Variants in GRID1 observed in about 807,000 individuals in gnomAD.
The protein encoded by GRID1 is glutamate receptor ionotropic, delta-1.
A neutral mutation model predicts 98.0 loss-of-function variants in GRID1; 28 were observed. That is an observed-to-expected ratio of 0.29 (90% CI 0.21 to 0.39). GRID1 has a LOEUF of 0.39. GRID1 is among the 10% of genes least tolerant of loss of function. The pLI, the probability that GRID1 is intolerant of heterozygous loss-of-function variation, is 1.00. For missense variants in GRID1, 1,111 were observed against 1,340.5 expected (o/e 0.83, Z 2.67); for synonymous variants, 553 against 538.5 (o/e 1.03, Z -0.37).
At chr10:85,730,402 T>G (rs1400291652) in intron 8 of GRID1, among the ~76,000 whole-genome samples, 2 of 152,178 alleles carry the variant, frequency 1.3e-5, no homozygotes, top group Non-Finnish European at 2.9e-5. Context: ...GAAACGATTC[T>G]CGACTATTAA....
At chr10:86,334,778 G>A (rs962464469) in intron 2 of GRID1, among the ~76,000 whole-genome samples, 13 of 152,208 alleles carry the variant, frequency 8.5e-5, no homozygotes, top group Non-Finnish European at 1.5e-5. Flanking sequence ...ATGGACCATG[G>A]TTGGGAGGCT....
At chr10:85,667,321 AG>A (rs1388516234) in intron 12 of GRID1, among the ~76,000 whole-genome samples, 19 of 142,198 alleles carry the variant, frequency 1.3e-4, no homozygotes, top group African/African-American at 5.7e-4. Flanking sequence ...ACACACAGAG[AG>A]AGAGAGAGAG....
At chr10:86,327,152 A>G (rs1162190422) in intron 2 of GRID1, among the ~76,000 whole-genome samples, 1 of 152,182 alleles carries the variant, frequency 6.6e-6, no homozygotes, top group Non-Finnish European at 1.5e-5. Context: ...AACAACAAAA[A>G]GAATTTGATT....
chr10:85,742,978 G>T (rs1841958915), intron 8 of GRID1, among the ~76,000 whole-genome samples: 1 of 151,964 alleles, frequency 6.6e-6, no homozygotes, highest in African/African-American at 2.4e-5. Flanking sequence ...ATGTTTAGTG[G>T]CATCCTTGAC....
intron 4 of GRID1, among the ~76,000 whole-genome samples, chr10:86,066,934 C>T (rs574390786): frequency 1.3e-5 from 2 of 152,106 alleles, no homozygotes; most frequent in African/African-American, 4.8e-5. Flanking sequence ...TGGGGCTTTC[C>T]GCGGGCCACT....
chr10:85,918,031 G>C (rs956436514), intron 4 of GRID1, among the ~76,000 whole-genome samples: 8 of 152,272 alleles, frequency 5.3e-5, no homozygotes, highest in African/African-American at 1.4e-4. Flanking sequence ...AGTGGAGACA[G>C]GGTGGGCTGA....
At chr10:85,634,442 T>A (rs1843013460) in intron 13 of GRID1, among the ~76,000 whole-genome samples, 1 of 152,166 alleles carries the variant, frequency 6.6e-6, no homozygotes, top group Non-Finnish European at 1.5e-5. Context: ...TACTCAAATA[T>A]GTTTTATCTT....
At chr10:85,655,093 C>G (rs1281034186) in intron 12 of GRID1, among the ~76,000 whole-genome samples, 1 of 152,182 alleles carries the variant, frequency 6.6e-6, no homozygotes, top group African/African-American at 2.4e-5. Flanking sequence ...GCCTTCAGTG[C>G]TTCAGTGCTG....
Position 85,968,482 on chromosome 10 carries a change from G to A in GRID1, c.727-52243C>T, listed in dbSNP as rs575322512. Among the ~76,000 whole-genome samples the A allele has an allele frequency of 2.0e-5, 3 of 148,584 alleles. No individual in the cohort carries two copies. The South Asian group carries it at 6.4e-4, about 31-fold the overall frequency. ...AAAAAAAAAAAAAAGACAACTGCCT[G>A]TAATAACACTTTTAAATCTGTATTG... is the stretch of plus-strand genomic sequence containing the variant. On this transcript the variant is annotated intron_variant, in intron 4 of 15. Transcript: ENST00000327946.
chr10:85,988,630 G>T (rs1842641002), intron 4 of GRID1, among the ~76,000 whole-genome samples: 1 of 152,186 alleles, frequency 6.6e-6, no homozygotes, highest in Non-Finnish European at 1.5e-5. Context: ...CAAGCACTAA[G>T]TTCCCGGGCC....
intron 2 of GRID1, among the ~76,000 whole-genome samples, chr10:86,252,660 C>T (rs1846855494): frequency 6.6e-6 from 1 of 152,216 alleles, no homozygotes; most frequent in South Asian, 2.1e-4. Flanking sequence ...GCATCTGTCA[C>T]CTTTGTTGGT....
chr10:85,888,341 A>G (rs1450921083), intron 5 of GRID1, among the ~76,000 whole-genome samples: 1 of 151,994 alleles, frequency 6.6e-6, no homozygotes, highest in African/African-American at 2.4e-5. Context: ...TCCTCTCCCT[A>G]AAGACTAGCA....
intron 2 of GRID1, among the ~76,000 whole-genome samples, chr10:86,225,492 G>A (rs918221922): frequency 1.3e-5 from 2 of 152,222 alleles, no homozygotes; most frequent in Admixed American, 6.5e-5. Flanking sequence ...TTCTCAAAGC[G>A]TGTATTTCTG....
intron 13 of GRID1, among the ~76,000 whole-genome samples, chr10:85,637,747 T>C (rs1843066182): frequency 6.6e-6 from 1 of 152,172 alleles, no homozygotes; most frequent in African/African-American, 2.4e-5. Context: ...AGAAAAGGAG[T>C]TGAGGCTTAT....
At chr10:85,778,827 G>A (rs577828953) in intron 8 of GRID1, among the ~76,000 whole-genome samples, 3 of 152,300 alleles carry the variant, frequency 2.0e-5, no homozygotes, top group African/African-American at 7.2e-5. Context: ...GCCATGCTGT[G>A]GGATCCTGGG....
intron 4 of GRID1, among the ~76,000 whole-genome samples, chr10:85,937,299 A>G (rs1841940308): frequency 6.6e-6 from 1 of 152,240 alleles, no homozygotes; most frequent in Non-Finnish European, 1.5e-5. Flanking sequence ...TGAAACACAG[A>G]TGCAGGAGGT....
intron 4 of GRID1, among the ~76,000 whole-genome samples, chr10:85,965,282 C>T (rs1842322168): frequency 6.6e-6 from 1 of 152,232 alleles, no homozygotes; most frequent in Non-Finnish European, 1.5e-5. Flanking sequence ...AATCCCATTA[C>T]TGGGTATATA....
At chr10:85,946,788 T>TAG (rs1842059007) in intron 4 of GRID1, among the ~76,000 whole-genome samples, 1 of 152,092 alleles carries the variant, frequency 6.6e-6, no homozygotes, top group Admixed American at 6.5e-5. Context: ...TCCAGGAAGG[T>TAG]AGACATAAGG....
At chr10:86,009,280 T>C (rs753706387) in intron 4 of GRID1, among the ~76,000 whole-genome samples, 36 of 152,294 alleles carry the variant, frequency 2.4e-4, no homozygotes, top group Middle Eastern at 3.4e-3. Context: ...TTGACATTTC[T>C]CAACTCAATA....
Sources: allele counts gnomAD v4.1 joint callset (sites outside exome capture counted in the v4.1 genomes callset), GRCh38; gene constraint gnomAD v4.1.1; transcripts MANE v1.5; gene names NCBI Gene and HGNC (gene_info 2026-07-23, HGNC 2026-07-21).